The following IFRD1 variants were observed in gnomAD, a reference collection of about 807,000 sequenced individuals.
IFRD1 encodes interferon related developmental regulator 1, also known as interferon-related developmental regulator 1.
A neutral mutation model predicts 52.9 loss-of-function variants in IFRD1; 35 were observed. The observed-to-expected ratio is 0.66, with a 90% CI of 0.51 to 0.88. The LOEUF (loss-of-function observed/expected upper bound fraction) is 0.88, where lower values mean the gene tolerates loss of function less well. Among genes scored for constraint, IFRD1 ranks in the 40% least tolerant of loss-of-function variants. The probability of loss-of-function intolerance (pLI) is 0.00; values close to 1 mark genes in which losing one functional copy is unlikely to be tolerated. For synonymous variants in IFRD1, 184 were observed against 188.4 expected (o/e 0.98, Z 0.19); for missense variants, 517 against 550.8 (o/e 0.94, Z 0.61).
intron 1 of IFRD1, chr7:112,452,343 T>G: frequency 2.4e-6 from 1 of 409,494 alleles, no homozygotes; most frequent in Non-Finnish European, 3.3e-6. Flanking sequence ...ACATTTTTTG[T>G]GGAGACAAGG....
At chr7:112,436,624 T>A (rs1794700323) in intron 1 of IFRD1, among the ~76,000 whole-genome samples, 1 of 152,162 alleles carries the variant, frequency 6.6e-6, no homozygotes, top group Non-Finnish European at 1.5e-5. Flanking sequence ...TAATCAGGTC[T>A]TCATAAAAGG....
intron 3 of IFRD1, among the ~76,000 whole-genome samples, chr7:112,456,648 C>T (rs1046939352): frequency 2.0e-5 from 3 of 151,928 alleles, no homozygotes; most frequent in Non-Finnish European, 2.9e-5. Context: ...TACATTGAAA[C>T]GATAAAATAT....
chr7:112,439,162 A>G (rs1294902712), intron 1 of IFRD1, among the ~76,000 whole-genome samples: 1 of 152,220 alleles, frequency 6.6e-6, no homozygotes, highest in Non-Finnish European at 1.5e-5. Flanking sequence ...TACAGTTTTA[A>G]CAGGGTGTCC....
At chr7:112,451,103 C>T (rs1584484765) in intron 1 of IFRD1, 2 of 303,144 alleles carry the variant, frequency 6.6e-6, no homozygotes, top group Non-Finnish European at 1.3e-5. Flanking sequence ...GTTCCTTTCT[C>T]GGCGGCGATC....
intron 11 of IFRD1, among the ~76,000 whole-genome samples, 187 bp downstream of exon 11, chr7:112,473,048 GTGTGTGTGTGTGTGTGTGTA>G (rs944303606): frequency 4.7e-5 from 3 of 63,526 alleles, no homozygotes; most frequent in African/African-American, 1.0e-4. Flanking sequence ...GTGTGTGTGT[GTGTGTGTGTGTGTGTGTGTA>G]TATATGTGTC....
chr7:112,472,729 TAA>T (rs1795783277), intron 10 of IFRD1, 35 bp from the exon 11 acceptor site: 1 of 1,247,650 alleles, frequency 8.0e-7, no homozygotes, highest in South Asian at 1.2e-5. Context: ...CTATAATGTT[TAA>T]TACTGAGCCA....
chr7:112,451,016 G>A, intron 1 of IFRD1: 1 of 565,884 alleles, frequency 1.8e-6, no homozygotes, highest in Non-Finnish European at 3.2e-6. Context: ...GGGCAGGGAG[G>A]AACGGGTCCT....
chr7:112,464,964 T>C (rs996744099), intron 8 of IFRD1, among the ~76,000 whole-genome samples: 5 of 152,224 alleles, frequency 3.3e-5, no homozygotes, highest in Non-Finnish European at 7.3e-5. Context: ...CTTGTTTGTA[T>C]AATAACTGAC....
chr7:112,444,416 C>G (rs527866339), intron 1 of IFRD1, among the ~76,000 whole-genome samples: 1 of 152,262 alleles, frequency 6.6e-6, no homozygotes, highest in Non-Finnish European at 1.5e-5. Flanking sequence ...TCTTAACAAA[C>G]AGGGATCTCA....
At chr7:112,472,497 TA>T in intron 10 of IFRD1, 150 bp downstream of exon 10, 1 of 924,184 alleles carries the variant, frequency 1.1e-6, no homozygotes, top group Non-Finnish European at 1.7e-6. Context: ...TAGACTTGAA[TA>T]AATCTGAAGC....
At chr7:112,466,089 T>G (rs1202710214) in intron 8 of IFRD1, among the ~76,000 whole-genome samples, 1 of 152,040 alleles carries the variant, frequency 6.6e-6, no homozygotes, top group Non-Finnish European at 1.5e-5. Flanking sequence ...TTTATTATTA[T>G]AAGAGTATAT....
chr7:112,461,349 A>G (rs1271268526), intron 5 of IFRD1: 1 of 152,528 alleles, frequency 6.6e-6, no homozygotes, highest in African/African-American at 2.4e-5. Context: ...TGTGTTTTAA[A>G]GGCTTTTTGA....
chr7:112,427,085 T>G (rs760811065), intron 1 of IFRD1, among the ~76,000 whole-genome samples: 2 of 152,192 alleles, frequency 1.3e-5, no homozygotes, highest in Non-Finnish European at 2.9e-5. Flanking sequence ...CTTGGCAAAA[T>G]AAGCTTTCTA....
chr7:112,463,899 A>C (rs1795539880), intron 8 of IFRD1, among the ~76,000 whole-genome samples: 1 of 144,600 alleles, frequency 6.9e-6, no homozygotes, highest in African/African-American at 2.6e-5. Context: ...CACACACCCC[A>C]CGTATCTTTT....
chr7:112,445,814 T>A (rs899766797), upstream of IFRD1, among the ~76,000 whole-genome samples: 1 of 152,214 alleles, frequency 6.6e-6, no homozygotes, highest in African/African-American at 2.4e-5. Context: ...GTGACAAAAC[T>A]GGGCTTTGCC....
intron 1 of IFRD1, among the ~76,000 whole-genome samples, chr7:112,451,357 G>A (rs796317374): frequency 6.6e-6 from 1 of 152,170 alleles, no homozygotes; most frequent in African/African-American, 2.4e-5. Flanking sequence ...CGTCGGAGGC[G>A]GGGGGACCAC....
chr7:112,437,951 T>G (rs957385493), intron 1 of IFRD1, among the ~76,000 whole-genome samples: 2 of 152,162 alleles, frequency 1.3e-5, no homozygotes, highest in Non-Finnish European at 2.9e-5. Context: ...GTTTGCATAT[T>G]GAGATGGATA....
At position 112,424,555 on chromosome 7, in the gene IFRD1, C is replaced by A. The variant is rs549819880; in HGVS notation, c.-182+1123C>A. Reference sequence around the variant, plus strand: ...TCAGCCTCCCGAGTAGCTGGGACTACAGGCGGCTGCCACCACACCAGCTAA... The same window carrying A: ...TCAGCCTCCCGAGTAGCTGGGACTAAAGGCGGCTGCCACCACACCAGCTAA... On this transcript the variant is annotated intron_variant, in intron 1 of 12. Coordinates refer to the IFRD1 transcript ENST00000005558. Among the ~76,000 whole-genome samples, 528 of 151,774 alleles carry A rather than the reference C, an allele frequency of 3.5e-3. 4 individuals carry two copies. The highest frequency in any genetic ancestry group is 0.012 in the African/African-American group (509 of 41,378).
rs761788207 is a variant in IFRD1 at position 112,456,974 on chromosome 7, G to C, written c.345G>C (p.Leu115=). Residue 115 remains leucine, a synonymous_variant, in exon 4 of 12, where the codon CTG becomes CTC. Coordinates refer to ENST00000403825, the MANE Select transcript of IFRD1 (RefSeq NM_001550.4). The stretch of plus-strand genomic sequence containing the variant: ...AAAATGCACTGGCTTCAAAAATGCT[G>C]TATGAATTTATTCTGGAAAGGAGAA... ...GIKNALASKM[L]YEFILERRMT... 4 of 1,613,604 alleles carry C rather than the reference G, an allele frequency of 2.5e-6. No homozygotes were observed. The highest frequency in any genetic ancestry group is 1.3e-5 in the African/African-American group (1 of 74,900).
Sources: allele counts gnomAD v4.1 joint callset (sites outside exome capture counted in the v4.1 genomes callset), GRCh38; gene constraint gnomAD v4.1.1; transcripts MANE v1.5; gene names NCBI Gene and HGNC (gene_info 2026-07-23, HGNC 2026-07-21).